Variants in SLC4A4 observed in about 807,000 individuals in gnomAD.
SLC4A4 encodes electrogenic sodium bicarbonate cotransporter 1.
SLC4A4 carries 27 observed loss-of-function variants against 111.5 expected under a neutral mutation model. The ratio of observed to expected loss-of-function variants is 0.24; its 90% CI spans 0.18 to 0.33. The LOEUF (loss-of-function observed/expected upper bound fraction) is 0.33, where lower values mean the gene tolerates loss of function less well. SLC4A4 is among the 10% of genes least tolerant of loss of function. SLC4A4 has a pLI of 1.00. For synonymous variants in SLC4A4, 443 were observed against 463.4 expected (o/e 0.96, Z 0.57); for missense variants, 909 against 1,315.5 (o/e 0.69, Z 4.78).
chr4:71,562,720 CT>C (rs1346950464), intron 23 of SLC4A4, among the ~76,000 whole-genome samples: 2 of 151,734 alleles, frequency 1.3e-5, no homozygotes, highest in East Asian at 2.0e-4. Context: ...CAGTCTGTGT[CT>C]TTTAATTGGG....
intron 2 of SLC4A4, among the ~76,000 whole-genome samples, chr4:71,180,267 A>G (rs182982409): frequency 6.6e-6 from 1 of 152,212 alleles, no homozygotes. Flanking sequence ...AACCTAGGCA[A>G]TACCATTCAG....
At chr4:71,308,007 C>T (rs1725827733) in intron 3 of SLC4A4, among the ~76,000 whole-genome samples, 1 of 152,046 alleles carries the variant, frequency 6.6e-6, no homozygotes, top group African/African-American at 2.4e-5. Context: ...TGCTTGCAGC[C>T]CTCAATACTT....
At chr4:71,176,170 C>T (rs1745088724) in intron 2 of SLC4A4, among the ~76,000 whole-genome samples, 2 of 152,070 alleles carry the variant, frequency 1.3e-5, no homozygotes, top group African/African-American at 4.8e-5. Context: ...CACACCAAAC[C>T]CCATCTGTAC....
At chr4:71,157,338 A>C (rs1192912655) in intron 2 of SLC4A4, among the ~76,000 whole-genome samples, 1 of 152,210 alleles carries the variant, frequency 6.6e-6, no homozygotes, top group Non-Finnish European at 1.5e-5. Context: ...TCTTCATATA[A>C]AAGTAATACA....
intron 3 of SLC4A4, among the ~76,000 whole-genome samples, chr4:71,283,577 G>A (rs1459813895): frequency 1.3e-5 from 2 of 152,118 alleles, no homozygotes; most frequent in African/African-American, 2.4e-5. Flanking sequence ...AAAATGTTAG[G>A]CTGTCAGGGG....
intron 2 of SLC4A4, among the ~76,000 whole-genome samples, chr4:71,126,566 T>C (rs529801232): frequency 6.6e-6 from 1 of 152,328 alleles, no homozygotes; most frequent in Admixed American, 6.5e-5. Flanking sequence ...TTGATTGTAG[T>C]ATTGCTACAG....
At chr4:71,524,704 A>T (rs570427844) in intron 16 of SLC4A4, among the ~76,000 whole-genome samples, 1 of 152,086 alleles carries the variant, frequency 6.6e-6, no homozygotes, top group South Asian at 2.1e-4. Flanking sequence ...CATATTTCAA[A>T]CTTTTAGGGT....
intron 1 of SLC4A4, chr4:71,233,139 G>A (rs1719560747): frequency 3.7e-6 from 1 of 269,188 alleles, no homozygotes; most frequent in Non-Finnish European, 5.7e-6. Flanking sequence ...TCTTTGAGAA[G>A]GTGGATGTGA....
chr4:71,132,097 A>G (rs1336343249), intron 2 of SLC4A4, among the ~76,000 whole-genome samples: 1 of 152,218 alleles, frequency 6.6e-6, no homozygotes, highest in Admixed American at 6.5e-5. Context: ...TTTAAAAAAT[A>G]ATAATTTTGT....
intron 1 of SLC4A4, among the ~76,000 whole-genome samples, chr4:71,081,908 C>T (rs1742003755): frequency 6.6e-6 from 1 of 152,042 alleles, no homozygotes; most frequent in Non-Finnish European, 1.5e-5. Flanking sequence ...TTAATTCATA[C>T]ACACAGGGCT....
intron 16 of SLC4A4, among the ~76,000 whole-genome samples, chr4:71,503,056 C>A (rs1731089654): frequency 6.6e-6 from 1 of 151,944 alleles, no homozygotes; most frequent in African/African-American, 2.4e-5. Flanking sequence ...TGAATCGATT[C>A]TTTTATTATT....
chr4:71,112,928 G>A (rs368702922), intron 2 of SLC4A4, among the ~76,000 whole-genome samples: 1 of 152,154 alleles, frequency 6.6e-6, no homozygotes, highest in African/African-American at 2.4e-5. Context: ...CTTAAAAGGG[G>A]GAAATTGAAG....
chr4:71,368,276 C>T (rs942679590), intron 6 of SLC4A4, among the ~76,000 whole-genome samples: 1 of 152,138 alleles, frequency 6.6e-6, no homozygotes, highest in Non-Finnish European at 1.5e-5. Flanking sequence ...ATGTAGCCTG[C>T]AACATTATTT....
intron 6 of SLC4A4, among the ~76,000 whole-genome samples, chr4:71,370,897 C>G (rs1218624497): frequency 3.3e-5 from 5 of 152,288 alleles, no homozygotes; most frequent in African/African-American, 1.2e-4. Flanking sequence ...AGACCAAACC[C>G]TGGACCAATC....
intron 3 of SLC4A4, among the ~76,000 whole-genome samples, chr4:71,276,089 A>G (rs1204590130): frequency 6.6e-6 from 1 of 152,250 alleles, no homozygotes; most frequent in African/African-American, 2.4e-5. Context: ...TATGGCAGTC[A>G]TTCTGGAGTA....
chr4:71,563,864 C>T lies in SLC4A4; in HGVS notation c.3171C>T (p.Phe1057=), dbSNP rs766123877. 4.3e-6 allele frequency: 7 copies of T among 1,610,534 alleles called. No homozygotes were observed. The highest frequency in any genetic ancestry group is 5.9e-6 in the Non-Finnish European group (7 of 1,177,548). Residue 1057 remains phenylalanine (F), a synonymous_variant, in exon 24 of 26, where the codon TTC becomes TTT. Coordinates refer to ENST00000264485, the MANE Select transcript of SLC4A4 (RefSeq NM_001098484.3). Reference sequence around the variant, plus strand: ...TGGACATCATGGAACAGCAACCTTTCCTAAGCGATAGCAAACCTTCTGACA... The same window carrying T: ...TGGACATCATGGAACAGCAACCTTTTCTAAGCGATAGCAAACCTTCTGACA... ...IPMDIMEQQP[F]LSDSKPSDRE...
intron 6 of SLC4A4, among the ~76,000 whole-genome samples, chr4:71,367,350 A>T (rs1347353114): frequency 6.6e-6 from 1 of 152,216 alleles, no homozygotes; most frequent in Admixed American, 6.5e-5. Flanking sequence ...GCTAAAGGAC[A>T]TGTCTTCTTT....
chr4:71,541,194 C>T (rs1366547941), intron 18 of SLC4A4, among the ~76,000 whole-genome samples: 5 of 151,966 alleles, frequency 3.3e-5, no homozygotes, highest in African/African-American at 4.8e-5. Context: ...AATTTTGCAG[C>T]GTTTAGTTTT....
At chr4:71,563,113 A>G (rs1349948350) in intron 23 of SLC4A4, among the ~76,000 whole-genome samples, 1 of 151,800 alleles carries the variant, frequency 6.6e-6, no homozygotes, top group African/African-American at 2.4e-5. Flanking sequence ...TCCCATGATT[A>G]GCTGCCTGGT....
Sources: gnomAD v4.1 joint callset for allele counts (sites outside exome capture counted in the v4.1 genomes callset) on GRCh38, gnomAD v4.1.1 for gene constraint, MANE v1.5 for transcripts, NCBI Gene and HGNC (gene_info 2026-07-23, HGNC 2026-07-21) for gene names.